Variants in EEFSEC observed in about 807,000 individuals in gnomAD.
The protein encoded by EEFSEC is selenocysteine-specific elongation factor.
Under a neutral mutation model 42.1 loss-of-function variants are expected in EEFSEC, and 43 were observed. The ratio of observed to expected loss-of-function variants is 1.02; its 90% CI spans 0.80 to 1.32. The LOEUF (loss-of-function observed/expected upper bound fraction) is 1.32, where lower values mean the gene tolerates loss of function less well. EEFSEC is among the 40% of genes most tolerant of loss of function. The pLI, the probability that EEFSEC is intolerant of heterozygous loss-of-function variation, is 0.00. For missense variants in EEFSEC, 745 were observed against 803.6 expected, an observed-to-expected ratio of 0.93 and a Z score of 0.88; for synonymous variants, 354 against 339.1, an observed-to-expected ratio of 1.04 and a Z score of -0.48.
chr3:128,227,323 C>T (rs1039976838), intron 1 of EEFSEC, among the ~76,000 whole-genome samples: 4 of 152,096 alleles, frequency 2.6e-5, no homozygotes, highest in Non-Finnish European at 4.4e-5. Flanking sequence ...CCCCCCACTC[C>T]GTTCTTTTTT....
intron 1 of EEFSEC, among the ~76,000 whole-genome samples, chr3:128,220,857 G>C (rs1361455832): frequency 2.0e-5 from 3 of 152,210 alleles, no homozygotes; most frequent in African/African-American, 7.2e-5. Context: ...CTGTGGCTGG[G>C]CGGTGGGACA....
intron 6 of EEFSEC, chr3:128,367,832 A>T: frequency 1.0e-6 from 1 of 985,294 alleles, no homozygotes; most frequent in Non-Finnish European, 1.2e-6. Context: ...CACCCATTTC[A>T]TCTGGAATGC....
intron 1 of EEFSEC, among the ~76,000 whole-genome samples, chr3:128,220,948 TC>T (rs146359500): frequency 1.2e-3 from 185 of 152,334 alleles, no homozygotes; most frequent in African/African-American, 4.2e-3. Flanking sequence ...ACAACACAAC[TC>T]TGTTTATATT....
chr3:128,311,474 G>A (rs990185109), intron 4 of EEFSEC, among the ~76,000 whole-genome samples: 6 of 152,292 alleles, frequency 3.9e-5, no homozygotes, highest in East Asian at 1.9e-4. Flanking sequence ...AGCCCTCTAC[G>A]TCCCACTAAA....
intron 4 of EEFSEC, among the ~76,000 whole-genome samples, chr3:128,278,874 AG>A: frequency 6.6e-6 from 1 of 152,356 alleles, no homozygotes; most frequent in South Asian, 2.1e-4. Flanking sequence ...TAGAGAGGGC[AG>A]GCCCCTGCCC....
intron 1 of EEFSEC, 57 bp from the exon 2 acceptor site, chr3:128,246,779 T>G (rs1182443717): frequency 6.3e-7 from 1 of 1,598,228 alleles, no homozygotes; most frequent in Non-Finnish European, 8.6e-7. Context: ...ATTGGGCAAC[T>G]TTCTGTGGGG....
In EEFSEC at chr3:128,200,762, A is replaced by T. The variant is rs1451169944; in HGVS notation, c.317-46074A>T. On this transcript the variant is annotated intron_variant, in intron 1 of 6. Transcript: ENST00000254730. Reference sequence around the variant, plus strand: ...CAGAACAATCGTGAGACTGTTATGGAATAAGCCTTTGTTCTTTGCAATCAG... The same window carrying T: ...CAGAACAATCGTGAGACTGTTATGGTATAAGCCTTTGTTCTTTGCAATCAG... Among the ~76,000 whole-genome samples, 3 of 152,336 alleles carry T rather than the reference A, an allele frequency of 2.0e-5. No homozygotes were observed. In the East Asian group the frequency reaches 5.8e-4, roughly 29 times the overall value.
intron 6 of EEFSEC, among the ~76,000 whole-genome samples, chr3:128,405,667 CT>C (rs1412008925): frequency 1.3e-5 from 2 of 152,266 alleles, no homozygotes; most frequent in Non-Finnish European, 2.9e-5. Context: ...ATGTGCGAGC[CT>C]TATAGCTGCC....
At chr3:128,229,634 A>G (rs2065940576) in intron 1 of EEFSEC, among the ~76,000 whole-genome samples, 1 of 152,248 alleles carries the variant, frequency 6.6e-6, no homozygotes, top group African/African-American at 2.4e-5. Context: ...TTCTCACACT[A>G]GGGAGCTACA....
chr3:128,188,743 CA>C (rs1346403116), intron 1 of EEFSEC, among the ~76,000 whole-genome samples: 1 of 152,124 alleles, frequency 6.6e-6, no homozygotes, highest in African/African-American at 2.4e-5. Context: ...GCCTCATCTG[CA>C]AAGTTTGCTG....
At chr3:128,235,863 G>GC (rs1354040582) in intron 1 of EEFSEC, among the ~76,000 whole-genome samples, 2 of 37,038 alleles carry the variant, frequency 5.4e-5, no homozygotes, top group East Asian at 0.034. Flanking sequence ...ACGGCCATTT[G>GC]CCGTTGTGCT....
At chr3:128,167,307 G>A (rs1052773007) in intron 1 of EEFSEC, among the ~76,000 whole-genome samples, 17 of 152,318 alleles carry the variant, frequency 1.1e-4, no homozygotes, top group Middle Eastern at 3.4e-3. Context: ...GTAGGGGCCT[G>A]TTAGCATTCA....
At chr3:128,352,009 T>C (rs189128405) in intron 5 of EEFSEC, among the ~76,000 whole-genome samples, 2 of 152,354 alleles carry the variant, frequency 1.3e-5, no homozygotes, top group African/African-American at 4.8e-5. Context: ...CCTCCAACTG[T>C]TCTCTGAAGG....
At chr3:128,256,128 G>A (rs1351855747) in intron 2 of EEFSEC, among the ~76,000 whole-genome samples, 1 of 152,172 alleles carries the variant, frequency 6.6e-6, no homozygotes, top group Non-Finnish European at 1.5e-5. Context: ...ACCTTCTTCA[G>A]TTATCTTTAA....
At chr3:128,169,985 T>C (rs1201371052) in intron 1 of EEFSEC, among the ~76,000 whole-genome samples, 7 of 152,166 alleles carry the variant, frequency 4.6e-5, no homozygotes, top group Non-Finnish European at 1.0e-4. Flanking sequence ...TTGCCTTTTC[T>C]TTTTCCTCCA....
intron 1 of EEFSEC, among the ~76,000 whole-genome samples, chr3:128,231,587 G>A (rs2065959355): frequency 6.6e-6 from 1 of 152,220 alleles, no homozygotes; most frequent in Non-Finnish European, 1.5e-5. Context: ...CTGGTATGTG[G>A]AGCAGGGGCT....
At chr3:128,331,663 G>A (rs2067135104) in intron 4 of EEFSEC, among the ~76,000 whole-genome samples, 1 of 152,048 alleles carries the variant, frequency 6.6e-6, no homozygotes, top group Non-Finnish European at 1.5e-5. Flanking sequence ...TTGTGGGTGG[G>A]ACAGTAGATG....
intron 1 of EEFSEC, among the ~76,000 whole-genome samples, chr3:128,166,359 G>T (rs1259993658): frequency 6.6e-6 from 1 of 152,184 alleles, no homozygotes; most frequent in Non-Finnish European, 1.5e-5. Flanking sequence ...ACAGTGGCAC[G>T]GTCCAACATG....
At chr3:128,409,677 G>A (rs1278395163), downstream of EEFSEC, among the ~76,000 whole-genome samples, 1 of 152,216 alleles carries the variant, frequency 6.6e-6, no homozygotes, top group Non-Finnish European at 1.5e-5. Flanking sequence ...GGCTGCGGGT[G>A]CCAGGGCGGC....
Sources: allele counts gnomAD v4.1 joint callset (sites outside exome capture counted in the v4.1 genomes callset), GRCh38; gene constraint gnomAD v4.1.1; transcripts MANE v1.5; gene names NCBI Gene and HGNC (gene_info 2026-07-23, HGNC 2026-07-21).